The following FAT1 variants were observed in gnomAD, a reference collection of about 807,000 sequenced individuals.
FAT1 encodes protocadherin Fat 1.
A neutral mutation model predicts 329.8 loss-of-function variants in FAT1; 171 were observed. The observed-to-expected ratio is 0.52, with a 90% CI of 0.46 to 0.59. The LOEUF (loss-of-function observed/expected upper bound fraction) is 0.59, where lower values mean the gene tolerates loss of function less well. FAT1 is among the 20% of genes least tolerant of loss of function. The pLI, the probability that FAT1 is intolerant of heterozygous loss-of-function variation, is 0.00. For missense variants in FAT1, 5,672 were observed against 5,774.4 expected, an observed-to-expected ratio of 0.98 and a Z score of 0.57; for synonymous variants, 2,233 against 2,228.6, an observed-to-expected ratio of 1.00 and a Z score of -0.06.
At position 186,611,476 on chromosome 4, in the gene FAT1, C is replaced by G. The variant is rs2126467183; in HGVS notation, c.9763G>C (p.Ala3255Pro). ...VGTEVLQVYA[A>P]SRDIEANAEI... ...GCATTTGCTTCAATATCCCGACTTG[C>G]TGCATACACTTGAAGAACTTCAGTT... Residue 3255 changes from alanine (A) to proline (P), a missense_variant, in exon 14 of 27, where the codon GCA (alanine) becomes CCA (proline). This residue lies in a region of FAT1 where 1,706 missense variants were observed against 1,859.1 expected (regional missense o/e 0.92). Transcript: ENST00000441802. 1.2e-6 allele frequency: 2 copies of G among 1,613,890 alleles called. No individual in the cohort carries two copies. Among genetic ancestry groups the G allele is most frequent in the Non-Finnish European group, 1.7e-6 (2 of 1,179,796 alleles).
At chr4:186,678,609 TTA>T (rs1016396544) in intron 2 of FAT1, among the ~76,000 whole-genome samples, 34 of 148,724 alleles carry the variant, frequency 2.3e-4, no homozygotes, top group African/African-American at 4.9e-4. Context: ...ATATTATGTA[TTA>T]TATATGTTAT....
intron 2 of FAT1, among the ~76,000 whole-genome samples, chr4:186,687,225 C>G (rs1316129246): frequency 6.6e-6 from 1 of 152,102 alleles, no homozygotes; most frequent in Non-Finnish European, 1.5e-5. Flanking sequence ...AACTAACAAC[C>G]ACTGTTTCAA....
intron 2 of FAT1, among the ~76,000 whole-genome samples, chr4:186,669,639 A>C (rs1479488076): frequency 6.6e-6 from 1 of 152,214 alleles, no homozygotes; most frequent in Non-Finnish European, 1.5e-5. Flanking sequence ...ACCAGATGTC[A>C]CTATGGAAAC....
intron 2 of FAT1, among the ~76,000 whole-genome samples, chr4:186,702,597 G>C (rs1208941241): frequency 1.3e-5 from 2 of 152,130 alleles, no homozygotes; most frequent in Non-Finnish European, 2.9e-5. Flanking sequence ...AAATCTTCTG[G>C]CCAGGCATTT....
intron 7 of FAT1, among the ~76,000 whole-genome samples, chr4:186,633,285 G>C (rs1740672724): frequency 6.6e-6 from 1 of 151,988 alleles, no homozygotes; most frequent in Admixed American, 6.6e-5. Flanking sequence ...ATATAGCCAG[G>C]AGGAATCCAA....
At chr4:186,701,668 C>T (rs1035344086) in intron 2 of FAT1, among the ~76,000 whole-genome samples, 2 of 152,198 alleles carry the variant, frequency 1.3e-5, no homozygotes, top group African/African-American at 4.8e-5. Flanking sequence ...GATCCGGGGC[C>T]CGTCAGCCTC....
At chr4:186,678,840 C>T (rs1743067755) in intron 2 of FAT1, among the ~76,000 whole-genome samples, 1 of 152,078 alleles carries the variant, frequency 6.6e-6, no homozygotes, top group Non-Finnish European at 1.5e-5. Context: ...AATCCCATTA[C>T]TTGGTATATA....
chr4:186,596,819 T>C lies in FAT1; in HGVS notation c.12721A>G (p.Ile4241Val). The C allele has an allele frequency of 6.2e-7, 1 of 1,613,948 alleles. No individual in the cohort carries two copies. The highest frequency in any genetic ancestry group is 8.5e-7 in the Non-Finnish European group (1 of 1,179,888). ...ACCTGGGGTGGTATGTCTGAGTAAATGTTCTTATTTAGCTTGGAATCAAAA... is the reference window on the plus strand; with the variant it reads ...ACCTGGGGTGGTATGTCTGAGTAAACGTTCTTATTTAGCTTGGAATCAAAA... ...PYFDSKLNKN[I>V]YSDIPPQVPV... is the part of the protein sequence containing the mutation. Residue 4241 changes from isoleucine (I) to valine (V), a missense_variant, in exon 25 of 27, where the codon ATT (isoleucine) becomes GTT (valine). Ile to Val is a conservative substitution (Grantham distance 29, BLOSUM62 3). Coordinates refer to ENST00000441802, the MANE Select transcript of FAT1 (RefSeq NM_005245.4). The surrounding 1 kb of genome is among the most constrained non-coding windows in gnomAD (Gnocchi z 4.7).
chr4:186,632,612 A>G (rs1740647891), intron 7 of FAT1, among the ~76,000 whole-genome samples: 2 of 152,210 alleles, frequency 1.3e-5, no homozygotes, highest in African/African-American at 4.8e-5. Flanking sequence ...CATATAACAT[A>G]CATGTATCAA....
At chr4:186,715,915 C>A (rs1398483697) in intron 1 of FAT1, among the ~76,000 whole-genome samples, 1 of 152,028 alleles carries the variant, frequency 6.6e-6, no homozygotes, top group Non-Finnish European at 1.5e-5. Context: ...ATATTAATAT[C>A]TTCATATTTC....
chr4:186,713,781 G>C (rs917136025), intron 1 of FAT1, among the ~76,000 whole-genome samples: 1 of 152,116 alleles, frequency 6.6e-6, no homozygotes, highest in Non-Finnish European at 1.5e-5. Context: ...GAGTAGCTGG[G>C]ACTATAGGTG....
rs1305735647 is a variant in FAT1, at chr4:186,708,285, A to T, written c.1543T>A (p.Phe515Ile). 1 of 1,614,000 alleles carries T rather than the reference A, an allele frequency of 6.2e-7. No homozygotes were observed. Among genetic ancestry groups the T allele is most frequent in the Non-Finnish European group, 8.5e-7 (1 of 1,179,892 alleles). Residue 515 changes from phenylalanine to isoleucine, a missense_variant, in exon 2 of 27, where the codon TTC (phenylalanine) becomes ATC (isoleucine). Physicochemically the swap from Phe to Ile is conservative, Grantham distance 21 (BLOSUM62 0). Coordinates refer to ENST00000441802, the MANE Select transcript of FAT1 (RefSeq NM_005245.4). ...LNHVPFAIDH[F>I]TGAVSTSENL... is the part of the protein sequence containing the mutation. ...TCTGACGTACTCACGGCACCAGTGA[A>T]ATGGTCAATCGCAAACGGCACATGA...
At position 186,639,784 on chromosome 4, in the gene FAT1, C is replaced by T; in HGVS notation, c.3581-1G>A. On this transcript the variant is annotated splice_acceptor_variant, in intron 3 of 26. Coordinates refer to ENST00000441802, the MANE Select transcript of FAT1 (RefSeq NM_005245.4). LOFTEE classifies it high-confidence loss of function. ...TTCCTTGACGTAGTTGTGATGAGAC[C>T]TGTAAAATGATAACAGTTCATTAAT... is the stretch of plus-strand genomic sequence containing the variant. 6.2e-7 allele frequency: 1 copy of T among 1,610,368 alleles called. No individual in the cohort carries two copies. The highest frequency in any genetic ancestry group is 8.5e-7 in the Non-Finnish European group (1 of 1,177,290).
intron 1 of FAT1, among the ~76,000 whole-genome samples, chr4:186,711,902 A>G (rs556129003): frequency 3.2e-4 from 48 of 152,356 alleles, no homozygotes; most frequent in South Asian, 6.2e-4. Context: ...CCTGGGCAAC[A>G]GAGCTAGACT....
intron 15 of FAT1, 62 bp downstream of exon 15, chr4:186,609,737 TAA>T (rs1739310170): frequency 3.5e-6 from 4 of 1,156,718 alleles, no homozygotes; most frequent in Middle Eastern, 3.9e-4. Flanking sequence ...TTGATTTTAC[TAA>T]AAACTTTTGC....
chr4:186,645,535 T>G (rs1741331141), intron 3 of FAT1, among the ~76,000 whole-genome samples: 1 of 150,896 alleles, frequency 6.6e-6, no homozygotes, highest in African/African-American at 2.4e-5. Flanking sequence ...ATTAAGTTGC[T>G]TACTCAACGT....
At chr4:186,673,689 A>G (rs1022297391) in intron 2 of FAT1, among the ~76,000 whole-genome samples, 27 of 152,354 alleles carry the variant, frequency 1.8e-4, no homozygotes, top group Middle Eastern at 3.4e-3. Context: ...AAGCTTTCTG[A>G]CTTGCAAACT....
In FAT1 at chr4:186,613,313, G is replaced by A. The variant is rs375998390; in HGVS notation, c.9259C>T (p.Arg3087Cys). The change falls in exon 13 of 27, where the codon CGT becomes TGT. Residue 3087 changes from arginine to cysteine, a missense_variant. Arg to Cys is a radical substitution (Grantham distance 180). Coordinates refer to ENST00000441802, the MANE Select transcript of FAT1 (RefSeq NM_005245.4). ...GELKTSTPLD[R>C]EEQAVYHLLV... ...AGATGATAAACAGCTTGCTCCTCAC[G>A]ATCAAGGGGGGTTGACGTTTTCAGT... 3.1e-6 allele frequency: 5 copies of A among 1,613,846 alleles called. No homozygotes were observed. Among genetic ancestry groups the A allele is most frequent in the Non-Finnish European group, 4.2e-6 (5 of 1,179,866 alleles).
rs796820507 is a variant in FAT1, at chr4:186,623,555, C to T, written c.4811-1780G>A. On this transcript the variant is annotated intron_variant, in intron 9 of 26. Transcript: ENST00000441802. ...CTCTTATTGTACAGGATAATCTTAT[C>T]TTGCCGATGAAGCTTCAAATATGCA... 2.4e-4 allele frequency among the ~76,000 whole-genome samples: 37 copies of T among 152,342 alleles called. 1 individual carries two copies. Among genetic ancestry groups the T allele is most frequent in the African/African-American group, 8.9e-4 (37 of 41,578 alleles).
Sources: allele counts gnomAD v4.1 joint callset (sites outside exome capture counted in the v4.1 genomes callset), GRCh38; gene constraint gnomAD v4.1.1; regional missense constraint gnomAD v4.1.1; non-coding constraint Gnocchi (gnomAD v3.1); transcripts MANE v1.5; gene names NCBI Gene and HGNC (gene_info 2026-07-23, HGNC 2026-07-21).